The following GPR35 variants were observed in gnomAD, a reference collection of about 807,000 sequenced individuals.
The protein encoded by GPR35 is KYNA receptor.
For missense variants in GPR35, 372 were observed against 422.5 expected, an observed-to-expected ratio of 0.88 and a Z score of 1.05; for synonymous variants, 207 against 198.4, an observed-to-expected ratio of 1.04 and a Z score of -0.36.
chr2:240,620,929 C>T (rs951020705), upstream of GPR35, among the ~76,000 whole-genome samples: 1 of 152,238 alleles, frequency 6.6e-6, no homozygotes, highest in Non-Finnish European at 1.5e-5. Flanking sequence ...GTCCTGGTCC[C>T]CAGCCCCTCA....
rs771095536 is a variant in GPR35, at chr2:240,630,120, C to T, written c.168C>T (p.Arg56=). The change falls in exon 2 of 2, where the codon CGC becomes CGT. Residue 56 remains arginine, a synonymous_variant. Transcript: ENST00000407714. ...CCRMQQWTET[R]IYMTNLAVAD... ...GCATGCAGCAGTGGACGGAGACCCG[C>T]ATCTACATGACCAACCTGGCGGTGG... 2.5e-6 allele frequency: 4 copies of T among 1,606,330 alleles called. No individual in the cohort carries two copies. The highest frequency in any genetic ancestry group is 1.7e-5 in the Admixed American group (1 of 59,994).
At chr2:240,611,392 C>A (rs1041484392) in intron 2 of GPR35, among the ~76,000 whole-genome samples, 2 of 152,328 alleles carry the variant, frequency 1.3e-5, no homozygotes, top group Middle Eastern at 3.4e-3. Flanking sequence ...TCTTTGTACT[C>A]ATTTTCCCTC....
intron 2 of GPR35, chr2:240,606,620 A>G (rs1445052439): frequency 6.6e-6 from 1 of 152,220 alleles, no homozygotes; most frequent in Non-Finnish European, 1.5e-5. Flanking sequence ...AAGGTAATCC[A>G]TTGACTCAGA....
chr2:240,627,094 C>T (rs2975782), intron 1 of GPR35, among the ~76,000 whole-genome samples: 75,759 of 152,146 alleles, frequency 0.5, 20,071 homozygotes, highest in South Asian at 0.78. Context: ...CCACGGTCCC[C>T]GGCAGCGGGA....
chr2:240,617,640 C>A, intron 4 of GPR35: 1 of 180,294 alleles, frequency 5.5e-6, no homozygotes, highest in Non-Finnish European at 1.2e-5. Context: ...CTTTCCCTTC[C>A]TTTCCTCATT....
At chr2:240,620,102 A>G in intron 5 of GPR35, among the ~76,000 whole-genome samples, 1 of 152,150 alleles carries the variant, frequency 6.6e-6, no homozygotes, top group East Asian at 1.9e-4. Flanking sequence ...CGCTGGAAAT[A>G]GCAGAAACCT....
At chr2:240,612,285 G>A (rs1227423239) in intron 2 of GPR35, among the ~76,000 whole-genome samples, 2 of 151,850 alleles carry the variant, frequency 1.3e-5, no homozygotes, top group African/African-American at 2.4e-5. Context: ...AAATTAGCCG[G>A]GTGTGGTGGC....
At chr2:240,620,049 C>G (rs186152058) in intron 5 of GPR35, among the ~76,000 whole-genome samples, 1 of 152,130 alleles carries the variant, frequency 6.6e-6, no homozygotes, top group East Asian at 1.9e-4. Flanking sequence ...GGAAGGAGTC[C>G]GAGAGGGTGG....
chr2:240,624,453 G>A (rs2043345708), upstream of GPR35, among the ~76,000 whole-genome samples: 1 of 152,222 alleles, frequency 6.6e-6, no homozygotes, highest in Admixed American at 6.5e-5. Context: ...CCAATGCCCA[G>A]CCAGGGCTTC....
At chr2:240,620,022 C>T (rs2043275746) in intron 5 of GPR35, among the ~76,000 whole-genome samples, 1 of 152,172 alleles carries the variant, frequency 6.6e-6, no homozygotes, top group African/African-American at 2.4e-5. Context: ...AGTCACAGAG[C>T]CTTGTGCAGA....
chr2:240,623,582 G>A (rs2043333648), upstream of GPR35, among the ~76,000 whole-genome samples: 1 of 151,954 alleles, frequency 6.6e-6, no homozygotes, highest in African/African-American at 2.4e-5. Flanking sequence ...ACAGCGCTCT[G>A]GAGGGGCCCG....
intron 2 of GPR35, chr2:240,616,320 C>G: frequency 1.4e-6 from 1 of 700,794 alleles, no homozygotes; most frequent in Non-Finnish European, 2.6e-6. Context: ...TCCCCGCGGT[C>G]CCGGCCGACA....
chr2:240,616,523 G>A (rs370142014), intron 3 of GPR35: 79 of 778,334 alleles, frequency 1.0e-4, no homozygotes, highest in Non-Finnish European at 1.7e-4. Flanking sequence ...TGAGAGTTTT[G>A]GTTTTTTGAC....
At chr2:240,624,894 G>A (rs987974434), upstream of GPR35, among the ~76,000 whole-genome samples, 4 of 152,134 alleles carry the variant, frequency 2.6e-5, no homozygotes, top group African/African-American at 7.2e-5. Context: ...AGGAGGGGCC[G>A]GTGGCCAAGT....
At chr2:240,624,575 G>A (rs1266267743), upstream of GPR35, among the ~76,000 whole-genome samples, 5 of 152,200 alleles carry the variant, frequency 3.3e-5, no homozygotes, top group South Asian at 2.1e-4. Flanking sequence ...TTCCCTGGGC[G>A]TCCGTTTCCA....
At chr2:240,620,538 T>A (rs929732305), upstream of GPR35, among the ~76,000 whole-genome samples, 1 of 152,070 alleles carries the variant, frequency 6.6e-6, no homozygotes, top group African/African-American at 2.4e-5. Context: ...GGACCCCTCC[T>A]GCCCCCATCG....
chr2:240,614,075 G>T (rs4676412), intron 2 of GPR35, among the ~76,000 whole-genome samples: 1 of 151,572 alleles, frequency 6.6e-6, no homozygotes, highest in East Asian at 1.9e-4. Flanking sequence ...CATGCCTCAT[G>T]TGGACCCGAA....
intron 1 of GPR35, among the ~76,000 whole-genome samples, chr2:240,625,891 G>GT (rs1315696247): frequency 4.5e-5 from 6 of 133,914 alleles, no homozygotes; most frequent in African/African-American, 5.5e-5. Context: ...TGTGATGGGG[G>GT]TCTCAGAGTG....
At chr2:240,611,257 C>T (rs1025624957) in intron 2 of GPR35, among the ~76,000 whole-genome samples, 3 of 152,084 alleles carry the variant, frequency 2.0e-5, no homozygotes, top group African/African-American at 7.2e-5. Context: ...CATGAGACAC[C>T]GTGCCTGGCC....
Sources: allele counts gnomAD v4.1 joint callset (sites outside exome capture counted in the v4.1 genomes callset), GRCh38; gene constraint gnomAD v4.1.1; transcripts MANE v1.5; gene names NCBI Gene and HGNC (gene_info 2026-07-23, HGNC 2026-07-21).